The following IL17RD variants were observed in gnomAD, a reference collection of about 807,000 sequenced individuals.
The protein encoded by IL17RD is interleukin-17 receptor D.
Under a neutral mutation model 80.5 loss-of-function variants are expected in IL17RD, and 52 were observed. The observed-to-expected ratio is 0.65, with a 90% CI of 0.52 to 0.81. The LOEUF (loss-of-function observed/expected upper bound fraction) is 0.81. IL17RD is among the 40% of genes least tolerant of loss of function. IL17RD has a pLI of 0.00. For synonymous variants in IL17RD, 416 were observed against 391.8 expected, an observed-to-expected ratio of 1.06 and a Z score of -0.73; for missense variants, 1,024 against 955.1, an observed-to-expected ratio of 1.07 and a Z score of -0.95.
chr3:57,157,203 C>A (rs1304919465), intron 1 of IL17RD, among the ~76,000 whole-genome samples: 2 of 152,152 alleles, frequency 1.3e-5, no homozygotes, highest in Admixed American at 1.3e-4. Context: ...AAGGTGGCCT[C>A]AAGCAGGGCC....
At chr3:57,109,383 G>A (rs1471856931) in intron 5 of IL17RD, among the ~76,000 whole-genome samples, 154 bp downstream of exon 5, 1 of 152,098 alleles carries the variant, frequency 6.6e-6, no homozygotes, top group Non-Finnish European at 1.5e-5. Flanking sequence ...CTGACCTTGT[G>A]ATCTGCCTGC....
At chr3:57,114,218 T>C (rs2107489813) in intron 3 of IL17RD, among the ~76,000 whole-genome samples, 1 of 152,098 alleles carries the variant, frequency 6.6e-6, no homozygotes, top group African/African-American at 2.4e-5. Flanking sequence ...GTTGCCAACA[T>C]TTAAAAATGA....
rs1233851917 is a variant in IL17RD at position 57,098,432 on chromosome 3, T to G, written c.1271A>C (p.Lys424Thr). ...CTTGTCCACAAAGTACTTCATACCT[T>G]TGGAACAAACCACAATGATGAACTG... is the stretch of plus-strand genomic sequence containing the variant. ...ESQFIIVVCS[K>T]GMKYFVDKKN... The change falls in exon 12 of 13, where the codon AAA (lysine) becomes ACA (threonine). Residue 424 changes from lysine (K) to threonine (T), a missense_variant. Coordinates refer to ENST00000296318, the MANE Select transcript of IL17RD (RefSeq NM_017563.5). 1 of 1,613,904 alleles carries G rather than the reference T, an allele frequency of 6.2e-7. No homozygotes were observed. Among genetic ancestry groups the G allele is most frequent in the African/African-American group, 1.3e-5 (1 of 74,916 alleles).
chr3:57,120,864 T>C (rs1274045910), intron 1 of IL17RD, among the ~76,000 whole-genome samples: 2 of 152,138 alleles, frequency 1.3e-5, no homozygotes, highest in Non-Finnish European at 2.9e-5. Context: ...GAATACATAG[T>C]GTGGGTCATA....
chr3:57,129,740 G>GAA (rs1707568293), intron 1 of IL17RD, among the ~76,000 whole-genome samples: 1 of 152,202 alleles, frequency 6.6e-6, no homozygotes. Flanking sequence ...GGACATGCTA[G>GAA]AAAGCAAGGC....
chr3:57,145,342 C>T (rs958848643), intron 1 of IL17RD, among the ~76,000 whole-genome samples: 1 of 152,040 alleles, frequency 6.6e-6, no homozygotes, highest in African/African-American at 2.4e-5. Context: ...GGGTCTTTGG[C>T]CATGTGGATA....
chr3:57,105,552 A>ATATATATAT lies in IL17RD; in HGVS notation c.747+304_747+305insATATATATA, dbSNP rs1553623052. Among the ~76,000 whole-genome samples the ATATATATAT allele has an allele frequency of 1.0e-3, 64 of 63,564 alleles. 1 individual carries two copies. The highest frequency in any genetic ancestry group is 4.5e-3 in the Admixed American group (23 of 5,146). The allele number at this position is 63,564 out of a possible 152,430, so 41.7% of individuals were successfully genotyped here. A position where few individuals can be genotyped will look rare whatever the true frequency, so the allele number is the denominator to read the frequency against. On this transcript the variant is annotated intron_variant, in intron 7 of 12. Coordinates refer to ENST00000296318, the MANE Select transcript of IL17RD (RefSeq NM_017563.5). ...ACTCCATCTCAAAAAAAAAAAAAAA[A>ATATATATAT]ATATATATATATATATATTTGTTCA...
intron 1 of IL17RD, among the ~76,000 whole-genome samples, chr3:57,145,051 TCAAA>T (rs1465531932): frequency 1.3e-5 from 2 of 152,286 alleles, no homozygotes; most frequent in East Asian, 1.9e-4. Context: ...AGATCAACTG[TCAAA>T]CAAACTATTT....
At chr3:57,129,366 T>G (rs1248862154) in intron 1 of IL17RD, among the ~76,000 whole-genome samples, 2 of 152,138 alleles carry the variant, frequency 1.3e-5, no homozygotes, top group Non-Finnish European at 2.9e-5. Flanking sequence ...GAGGAAAACT[T>G]AAAGCTATAA....
At chr3:57,117,396 G>T (rs1480815839) in intron 2 of IL17RD, among the ~76,000 whole-genome samples, 1 of 152,174 alleles carries the variant, frequency 6.6e-6, no homozygotes, top group African/African-American at 2.4e-5. Context: ...TTACAGGCAT[G>T]AGCCACTGTG....
rs1261253138 is a variant in IL17RD at position 57,098,139 on chromosome 3, C to T, written c.1564G>A (p.Gly522Arg). The T allele has an allele frequency of 2.5e-6, 4 of 1,613,962 alleles. No homozygotes were observed. Among genetic ancestry groups the T allele is most frequent in the South Asian group, 1.1e-5 (1 of 91,080 alleles). ...HSRDHGLQEP[G>R]QHTRQGSRRN... is the part of the protein sequence containing the mutation. ...CTGCTGCCCTGTCGCGTGTGCTGCC[C>T]CGGCTCCTGGAGGCCGTGGTCTCGG... The change falls in exon 12 of 13, where the codon GGG becomes AGG. Residue 522 changes from glycine (G) to arginine (R), a missense_variant. Physicochemically the swap from Gly to Arg is moderately radical, Grantham distance 125 (BLOSUM62 -2). Coordinates refer to ENST00000296318, the MANE Select transcript of IL17RD (RefSeq NM_017563.5).
intron 5 of IL17RD, among the ~76,000 whole-genome samples, chr3:57,109,069 T>A (rs765770049): frequency 1.1e-4 from 16 of 152,182 alleles, no homozygotes; most frequent in Non-Finnish European, 2.4e-4. Context: ...TAACCTTAAT[T>A]CTAAAAAGTG....
intron 11 of IL17RD, among the ~76,000 whole-genome samples, chr3:57,100,960 T>G (rs537373265): frequency 1.6e-3 from 239 of 152,290 alleles, no homozygotes; most frequent in Middle Eastern, 3.4e-3. Flanking sequence ...GAGCAGGAGT[T>G]TGTCAGAGTT....
intron 3 of IL17RD, among the ~76,000 whole-genome samples, chr3:57,111,802 C>CAA (rs11397469): frequency 4.8e-4 from 71 of 148,934 alleles, no homozygotes; most frequent in South Asian, 1.5e-3. Context: ...GCTAAAAATA[C>CAA]AAAAAAAAAA....
intron 1 of IL17RD, among the ~76,000 whole-genome samples, chr3:57,164,513 G>C (rs1644886846): frequency 6.6e-6 from 1 of 152,206 alleles, no homozygotes; most frequent in African/African-American, 2.4e-5. Context: ...TCCGCAACTC[G>C]AAGCAGGGAA....
intron 1 of IL17RD, among the ~76,000 whole-genome samples, chr3:57,162,530 C>T (rs1383089970): frequency 1.3e-5 from 2 of 152,160 alleles, no homozygotes; most frequent in Non-Finnish European, 2.9e-5. Flanking sequence ...AGAGCAACTT[C>T]TAGAAGACAT....
At chr3:57,110,799 A>G (rs1048805829) in intron 3 of IL17RD, among the ~76,000 whole-genome samples, 4 of 152,202 alleles carry the variant, frequency 2.6e-5, no homozygotes, top group Non-Finnish European at 5.9e-5. Context: ...TTGTGTCTGC[A>G]CCCAAGGGGT....
chr3:57,126,462 A>G (rs1707460751), intron 1 of IL17RD, among the ~76,000 whole-genome samples: 1 of 152,244 alleles, frequency 6.6e-6, no homozygotes, highest in Non-Finnish European at 1.5e-5. Context: ...TGCTCCAGCC[A>G]TATATGGCAA....
chr3:57,143,555 T>G (rs1707870980), intron 1 of IL17RD, among the ~76,000 whole-genome samples: 1 of 152,256 alleles, frequency 6.6e-6, no homozygotes, highest in Admixed American at 6.5e-5. Flanking sequence ...GCTGGGGAGC[T>G]GTGCTTACAC....
Sources: gnomAD v4.1 joint callset for allele counts (sites outside exome capture counted in the v4.1 genomes callset) on GRCh38, gnomAD v4.1.1 for gene constraint, MANE v1.5 for transcripts, NCBI Gene and HGNC (gene_info 2026-07-23, HGNC 2026-07-21) for gene names.